Variants in DUX4 observed in about 807,000 individuals in gnomAD.
DUX4 encodes the protein double homeobox 4, also known as double homeobox protein 4.
intron 1 of DUX4, chr4:190,183,161 A>G (rs1742622700): frequency 1.3e-5 from 1 of 78,300 alleles, no homozygotes; most frequent in African/African-American, 3.0e-5. Flanking sequence ...GTTTAGGGTT[A>G]GGGTAGTGTA....
downstream of DUX4, among the ~76,000 whole-genome samples, chr4:190,177,111 A>G (rs1354966526): frequency 0.11 from 9,753 of 89,746 alleles, no homozygotes; most frequent in Non-Finnish European, 0.14. Flanking sequence ...GTGCAGAGAT[A>G]TTTCACAATG....
chr4:190,178,559 G>GTT (rs1742432525), downstream of DUX4, among the ~76,000 whole-genome samples: 1 of 102,238 alleles, frequency 9.8e-6, no homozygotes, highest in African/African-American at 3.3e-5. Flanking sequence ...ATTTCACAAC[G>GTT]CCCCCTGTAG....
At chr4:190,176,360 T>C (rs1460853675), downstream of DUX4, among the ~76,000 whole-genome samples, 1 of 113,730 alleles carries the variant, frequency 8.8e-6, no homozygotes, top group African/African-American at 2.6e-5. Flanking sequence ...TGCAGAGATG[T>C]GTCAAAACGC....
At chr4:190,180,008 A>G (rs1742524516), downstream of DUX4, among the ~76,000 whole-genome samples, 40 of 142,708 alleles carry the variant, frequency 2.8e-4, no homozygotes, top group East Asian at 8.2e-4. Flanking sequence ...CAGAGCTTAA[A>G]CTAGAGTTAC....
At chr4:190,179,049 TCCTAGAAAAGAGTCCCA>T (rs1742474643), downstream of DUX4, among the ~76,000 whole-genome samples, 1 of 11,874 alleles carries the variant, frequency 8.4e-5, no homozygotes. Flanking sequence ...TTTAGGCAGA[TCCTAGAAAAGAGTCCCA>T]TTACTTGGGT....
At chr4:190,181,611 GC>G (rs1742585803) in intron 1 of DUX4, among the ~76,000 whole-genome samples, 7 of 7,780 alleles carry the variant, frequency 9.0e-4, no homozygotes, top group Admixed American at 3.2e-3. Flanking sequence ...GGTGATCAGT[GC>G]AGAGATATGT....
chr4:190,182,360 CAGGTTAAGAGTTA>C (rs1742612717), intron 1 of DUX4, among the ~76,000 whole-genome samples: 19 of 62,910 alleles, frequency 3.0e-4, no homozygotes, highest in East Asian at 2.8e-3. Context: ...GATTCGGGTT[CAGGTTAAGAGTTA>C]GGGTTAGGGT....
chr4:190,175,948 G>GC, downstream of DUX4: 80 of 110,766 alleles, frequency 7.2e-4, 39 homozygotes, highest in Non-Finnish European at 1.4e-3. Flanking sequence ...CAGTGCAGAT[G>GC]TGTTTCAGAA....
At chr4:190,179,654 G>C (rs1579835831), downstream of DUX4, among the ~76,000 whole-genome samples, 2 of 150,872 alleles carry the variant, frequency 1.3e-5, no homozygotes, top group African/African-American at 2.4e-5. Flanking sequence ...AATGTCCCCA[G>C]TAGGCAGAGA....
downstream of DUX4, among the ~76,000 whole-genome samples, chr4:190,178,523 A>T (rs1742430486): frequency 1.9e-4 from 29 of 151,702 alleles, no homozygotes; most frequent in South Asian, 6.2e-4. Context: ...CAAGAGTTGC[A>T]TCACCTGGGT....
downstream of DUX4, among the ~76,000 whole-genome samples, chr4:190,180,127 C>G (rs1387233657): frequency 1.1e-4 from 2 of 18,302 alleles, no homozygotes; most frequent in African/African-American, 1.7e-4. Context: ...ACAATGCCGC[C>G]AGTAGGCAGA....
chr4:190,183,523 TACAAATC>T lies in DUX4; in HGVS notation n.93-1813_93-1807del, dbSNP rs1263054383. 2.9e-5 allele frequency among the ~76,000 whole-genome samples: 3 copies of T among 102,592 alleles called. 1 individual carries two copies. Among genetic ancestry groups the T allele is most frequent in the Non-Finnish European group, 6.9e-5 (3 of 43,624 alleles). 67.3% of individuals were successfully genotyped at this position (102,592 alleles called of 152,430 possible). On this transcript the variant is annotated intron_variant and non_coding_transcript_variant, in intron 1 of 2. Coordinates refer to the DUX4 transcript ENST00000563716. Reference sequence around the variant, plus strand: ...TTTTTGTTTGTTTTTATTCACTAAATACAAATCACAACTCTCTTCTCATTACACACAC... The same window carrying T: ...TTTTTGTTTGTTTTTATTCACTAAATACAACTCTCTTCTCATTACACACAC...
At chr4:190,179,093 T>C (rs1742477905), downstream of DUX4, among the ~76,000 whole-genome samples, 30 of 2,466 alleles carry the variant, frequency 0.012, 1 homozygote, top group Non-Finnish European at 0.017. Context: ...TGCAGAGATA[T>C]GTCACAATGC....
downstream of DUX4, among the ~76,000 whole-genome samples, chr4:190,177,872 GTCCCTGT>G (rs1742392296): frequency 2.0e-5 from 2 of 101,222 alleles, no homozygotes; most frequent in African/African-American, 3.9e-5. Context: ...ATGTCACAAT[GTCCCTGT>G]AGCCATATCC....
At chr4:190,183,133 G>A (rs1390466199) in intron 1 of DUX4, 1 of 58,834 alleles carries the variant, frequency 1.7e-5, no homozygotes, top group African/African-American at 3.7e-5. Context: ...TTAAGGTTAG[G>A]GTTAGGATTG....
intron 1 of DUX4, chr4:190,183,199 A>T (rs1742623284): frequency 1.0e-5 from 1 of 96,896 alleles, no homozygotes; most frequent in Admixed American, 1.4e-4. Context: ...ACTAATAATA[A>T]ATTATTATTT....
At chr4:190,184,207 CA>C (rs1379342808) in intron 1 of DUX4, among the ~76,000 whole-genome samples, 3 of 107,210 alleles carry the variant, frequency 2.8e-5, no homozygotes, top group African/African-American at 8.0e-5. Context: ...TCAGCATGTC[CA>C]GGAGGAAAAT....
chr4:190,181,296 TAG>T (rs1742562574), intron 1 of DUX4, among the ~76,000 whole-genome samples: 2 of 18,910 alleles, frequency 1.1e-4, no homozygotes, highest in African/African-American at 2.1e-4. Flanking sequence ...ATGCCGCCAG[TAG>T]GCAGAGCCTA....
downstream of DUX4, among the ~76,000 whole-genome samples, chr4:190,177,997 A>G (rs1579833601): frequency 4.9e-3 from 602 of 122,766 alleles, no homozygotes; most frequent in East Asian, 0.012. Flanking sequence ...CAGGGCAGAG[A>G]TATGTCACAA....
Sources: allele counts gnomAD v4.1 joint callset (sites outside exome capture counted in the v4.1 genomes callset), GRCh38; gene constraint gnomAD v4.1.1; transcripts MANE v1.5; gene names NCBI Gene and HGNC (gene_info 2026-07-23, HGNC 2026-07-21).